Variants in PCDHGA1 observed in about 807,000 individuals in gnomAD.
PCDHGA1 encodes protocadherin gamma subfamily A, 1.
PCDHGA1 carries 32 observed loss-of-function variants against 58.0 expected under a neutral mutation model. The observed-to-expected ratio is 0.55, with a 90% CI of 0.42 to 0.74. The LOEUF is 0.74. Ranked by LOEUF, PCDHGA1 falls within the 30% of genes least tolerant of loss-of-function variation. The pLI is 0.00. For synonymous variants in PCDHGA1, 498 were observed against 501.1 expected, an observed-to-expected ratio of 0.99 and a Z score of 0.08; for missense variants, 1,205 against 1,182.3, an observed-to-expected ratio of 1.02 and a Z score of -0.28.
rs775247725 is a variant in PCDHGA1, at chr5:141,393,523, A to T, written c.2421+60418A>T. The T allele has an allele frequency of 2.0e-5, 33 of 1,613,900 alleles. No individual in the cohort carries two copies. Among genetic ancestry groups the T allele is most frequent in the Middle Eastern group, 1.6e-4 (1 of 6,084 alleles). ...CACGTGACAGTGTTGGATACAAATG[A>T]CAATGCCCCGGTTTTTCCTCACCCG... is the stretch of plus-strand genomic sequence containing the variant. On this transcript the variant is annotated intron_variant, in intron 1 of 3. Transcript: ENST00000517417.
At chr5:141,393,370 A>G (rs2092740114) in intron 1 of PCDHGA1, 5 of 1,613,954 alleles carry the variant, frequency 3.1e-6, no homozygotes, top group Non-Finnish European at 2.5e-6. Context: ...CAGACTGGAG[A>G]CAATGGAGCC....
chr5:141,484,230 G>A (rs1325484143), intron 1 of PCDHGA1, among the ~76,000 whole-genome samples: 2 of 152,174 alleles, frequency 1.3e-5, no homozygotes, highest in Non-Finnish European at 2.9e-5. Flanking sequence ...CAGGTAAAGA[G>A]ATCTGGTCCT....
chr5:141,350,824 T>C, intron 1 of PCDHGA1: 1 of 1,614,004 alleles, frequency 6.2e-7, no homozygotes, highest in South Asian at 1.1e-5. Context: ...GAAGTAAATA[T>C]CCGGTATTAC....
intron 1 of PCDHGA1, chr5:141,362,416 G>C (rs1167115299): frequency 1.2e-6 from 2 of 1,614,008 alleles, no homozygotes; most frequent in Non-Finnish European, 1.7e-6. Context: ...CTCACAATCA[G>C]CCAAGACAGA....
chr5:141,350,774 A>T (rs745403144), intron 1 of PCDHGA1: 1 of 1,613,850 alleles, frequency 6.2e-7, no homozygotes, highest in Non-Finnish European at 8.5e-7. Flanking sequence ...CATCAACCCC[A>T]ATCAATACTT....
intron 1 of PCDHGA1, chr5:141,375,703 G>A (rs776426026): frequency 3.7e-6 from 6 of 1,614,144 alleles, no homozygotes; most frequent in Admixed American, 1.7e-5. Context: ...GCGGGGACCC[G>A]CCTCTTAGCA....
At chr5:141,372,676 CA>C (rs1170718624) in intron 1 of PCDHGA1, 3 of 1,613,898 alleles carry the variant, frequency 1.9e-6, no homozygotes, top group Non-Finnish European at 1.7e-6. Context: ...TCACATTCCT[CA>C]AACACCGAGT....
intron 1 of PCDHGA1, chr5:141,352,079 GC>G: frequency 1.2e-6 from 2 of 1,604,962 alleles, no homozygotes; most frequent in Non-Finnish European, 1.7e-6. Context: ...CGTGCTGCAG[GC>G]CAGCGAGCCC....
In PCDHGA1 at chr5:141,476,042, T is replaced by C. The variant is rs199923442; in HGVS notation, c.2422-18765T>C. On this transcript the variant is annotated intron_variant, in intron 1 of 3. Coordinates refer to ENST00000517417, the MANE Select transcript of PCDHGA1 (RefSeq NM_018912.3). The surrounding 1 kb of genome is among the most constrained non-coding windows in gnomAD (Gnocchi z 7.6). Reference sequence around the variant, plus strand: ...GACTCGGCGCCCAGCGCCCAAGCGCTAACCCGCTGAAAGTTTCTCAGCGAA... The same window carrying C: ...GACTCGGCGCCCAGCGCCCAAGCGCCAACCCGCTGAAAGTTTCTCAGCGAA... 1.4e-5 allele frequency: 21 copies of C among 1,491,832 alleles called. No individual in the cohort carries two copies. The highest frequency in any genetic ancestry group is 2.7e-6 in the Non-Finnish European group (3 of 1,123,808). 92.4% of individuals were successfully genotyped at this position (1,491,832 alleles called of 1,614,324 possible). A position where few individuals can be genotyped will look rare whatever the true frequency, so the allele number is the denominator to read the frequency against.
At position 141,330,580 on chromosome 5, in the gene PCDHGA1, C is replaced by T. The variant is rs1244884449; in HGVS notation, c.-105C>T. 1 of 1,241,116 alleles carries T rather than the reference C, an allele frequency of 8.1e-7. No homozygotes were observed. Among genetic ancestry groups the T allele is most frequent in the Non-Finnish European group, 1.1e-6 (1 of 893,820 alleles). The allele number at this position is 1,241,116 out of a possible 1,614,324, so 76.9% of individuals were successfully genotyped here. A position where few individuals can be genotyped will look rare whatever the true frequency, so the allele number is the denominator to read the frequency against. ...CTGCCTAAATCCTACTTCTGGATGA[C>T]TCTCCAGTCAGAATTCTCCTGAAAA... is the stretch of plus-strand genomic sequence containing the variant. On this transcript the variant is annotated 5_prime_UTR_variant, in exon 1 of 4. Coordinates refer to ENST00000517417, the MANE Select transcript of PCDHGA1 (RefSeq NM_018912.3).
intron 1 of PCDHGA1, chr5:141,428,236 G>A (rs1474911413): frequency 9.7e-7 from 1 of 1,026,978 alleles, no homozygotes; most frequent in Admixed American, 1.9e-5. Context: ...CAGCCTGCAG[G>A]AGGCACTGCC....
chr5:141,495,870 CCT>C (rs1183994771), intron 2 of PCDHGA1, among the ~76,000 whole-genome samples: 2 of 152,100 alleles, frequency 1.3e-5, no homozygotes. Flanking sequence ...TTTCTGCTTT[CCT>C]CTCTGTTCTT....
intron 1 of PCDHGA1, chr5:141,360,169 C>T: frequency 1.9e-6 from 3 of 1,607,588 alleles, no homozygotes; most frequent in Admixed American, 1.7e-5. Context: ...CGGGCTGGTG[C>T]GGTGGCTGCA....
At position 141,477,177 on chromosome 5, in the gene PCDHGA1, T is replaced by C; in HGVS notation, c.2422-17630T>C. The C allele has an allele frequency of 6.2e-7, 1 of 1,614,160 alleles. No individual in the cohort carries two copies. On this transcript the variant is annotated intron_variant, in intron 1 of 3. Coordinates refer to ENST00000517417, the MANE Select transcript of PCDHGA1 (RefSeq NM_018912.3). This position sits in a 1 kb window ranked among gnomAD's most constrained non-coding sequence, Gnocchi z 4.9. Reference sequence around the variant, plus strand: ...AATGACAACGCCCCGGAGATCACAGTCACCTCCGTGTACAGCCCAGTACCC... The same window carrying C: ...AATGACAACGCCCCGGAGATCACAGCCACCTCCGTGTACAGCCCAGTACCC...
intron 1 of PCDHGA1, chr5:141,361,606 A>G (rs367687761): frequency 1.9e-6 from 3 of 1,613,784 alleles, no homozygotes; most frequent in African/African-American, 2.7e-5. Flanking sequence ...TTCCTACTCC[A>G]TCGTAGCGAG....
At chr5:141,394,094 A>C (rs759909698) in intron 1 of PCDHGA1, 5 of 1,613,934 alleles carry the variant, frequency 3.1e-6, no homozygotes, top group Non-Finnish European at 3.4e-6. Flanking sequence ...CCTCAGATCT[A>C]GGAACACCAC....
chr5:141,425,956 C>T (rs1221085532), intron 1 of PCDHGA1, among the ~76,000 whole-genome samples: 1 of 152,244 alleles, frequency 6.6e-6, no homozygotes, highest in Non-Finnish European at 1.5e-5. Flanking sequence ...ATACATTAGT[C>T]CAACACATCA....
intron 1 of PCDHGA1, among the ~76,000 whole-genome samples, chr5:141,425,585 A>G (rs1270579511): frequency 6.6e-6 from 1 of 152,252 alleles, no homozygotes; most frequent in African/African-American, 2.4e-5. Flanking sequence ...GGCTAACTTT[A>G]TTCTGAATAT....
In PCDHGA1 at chr5:141,430,673, C is replaced by T. The variant is rs183365013; in HGVS notation, c.2422-64134C>T. 1.5e-4 allele frequency: 198 copies of T among 1,288,318 alleles called. 2 individuals are homozygous for T. In the African/African-American group the frequency reaches 2.8e-3, roughly 18 times the overall value. The allele number at this position is 1,288,318 out of a possible 1,614,324, so 79.8% of individuals were successfully genotyped here. On this transcript the variant is annotated intron_variant, in intron 1 of 3. Coordinates refer to ENST00000517417, the MANE Select transcript of PCDHGA1 (RefSeq NM_018912.3). Reference sequence around the variant, plus strand: ...AAACAACGGAGGAGCTCTGACTTCCCAACTGTCCCATTCTATGGGCGAAGG... The same window carrying T: ...AAACAACGGAGGAGCTCTGACTTCCTAACTGTCCCATTCTATGGGCGAAGG...
Sources: allele counts gnomAD v4.1 joint callset (sites outside exome capture counted in the v4.1 genomes callset), GRCh38; gene constraint gnomAD v4.1.1; non-coding constraint Gnocchi (gnomAD v3.1); transcripts MANE v1.5; gene names NCBI Gene and HGNC (gene_info 2026-07-23, HGNC 2026-07-21).